Variants in CCSER2 observed in about 807,000 individuals in gnomAD.
CCSER2 encodes coiled-coil serine rich protein 2.
A neutral mutation model predicts 92.3 loss-of-function variants in CCSER2; 46 were observed. The observed-to-expected ratio is 0.50, with a 90% CI of 0.39 to 0.64. The LOEUF (loss-of-function observed/expected upper bound fraction) is 0.64. CCSER2 is among the 30% of genes least tolerant of loss of function. The pLI, the probability that CCSER2 is intolerant of heterozygous loss-of-function variation, is 0.00. For synonymous variants in CCSER2, 433 were observed against 431.4 expected (o/e 1.00, Z -0.04); for missense variants, 1,244 against 1,238.9 (o/e 1.00, Z -0.06).
At chr10:84,337,279 C>T (rs2132988922) in intron 1 of CCSER2, among the ~76,000 whole-genome samples, 1 of 152,246 alleles carries the variant, frequency 6.6e-6, no homozygotes, top group East Asian at 1.9e-4. Flanking sequence ...GGGAGAGAAA[C>T]TAGCAGAGGA....
At chr10:84,504,664 A>T (rs1352590548) in intron 9 of CCSER2, among the ~76,000 whole-genome samples, 3 of 152,340 alleles carry the variant, frequency 2.0e-5, no homozygotes, top group East Asian at 3.9e-4. Flanking sequence ...GTATATTTTT[A>T]AAAATTTAGC....
At chr10:84,351,640 G>T (rs1844864609) in intron 1 of CCSER2, among the ~76,000 whole-genome samples, 1 of 152,158 alleles carries the variant, frequency 6.6e-6, no homozygotes, top group African/African-American at 2.4e-5. Context: ...GAATAGCTTG[G>T]ACTGTAGGCA....
Position 84,387,588 on chromosome 10 carries a change from G to A in CCSER2, c.1614+13773G>A, listed in dbSNP as rs535209973. ...CTGTGGCCCAGGCTGGAGTGCAGTGGTGCAATCTCAGCTCACTGTAAGCTC... is the reference window on the plus strand; with the variant it reads ...CTGTGGCCCAGGCTGGAGTGCAGTGATGCAATCTCAGCTCACTGTAAGCTC... On this transcript the variant is annotated intron_variant, in intron 3 of 9. Coordinates refer to ENST00000372088, the MANE Select transcript of CCSER2 (RefSeq NM_001284240.2). Among the ~76,000 whole-genome samples the A allele has an allele frequency of 5.3e-5, 8 of 152,070 alleles. No individual in the cohort carries two copies. In the East Asian group the frequency reaches 1.4e-3, roughly 26 times the overall value.
At chr10:84,378,432 A>ATT (rs386371982) in intron 3 of CCSER2, among the ~76,000 whole-genome samples, 25,231 of 135,806 alleles carry the variant, frequency 0.19, 2,707 homozygotes, top group Admixed American at 0.29. Context: ...TTAAAATTAA[A>ATT]TTTTTTTTTT....
chr10:84,431,720 C>CAG (rs2133465754), intron 5 of CCSER2, among the ~76,000 whole-genome samples: 1 of 152,238 alleles, frequency 6.6e-6, no homozygotes, highest in Non-Finnish European at 1.5e-5. Flanking sequence ...GCCTGGACAA[C>CAG]AGAGAGAGAC....
intron 3 of CCSER2, among the ~76,000 whole-genome samples, chr10:84,392,941 T>C (rs1841608670): frequency 6.6e-6 from 1 of 152,166 alleles, no homozygotes; most frequent in African/African-American, 2.4e-5. Flanking sequence ...GCTTTCTGGC[T>C]CATAGTGGTT....
At chr10:84,333,200 T>C (rs779430592) in intron 1 of CCSER2, among the ~76,000 whole-genome samples, 2 of 152,196 alleles carry the variant, frequency 1.3e-5, no homozygotes, top group Non-Finnish European at 2.9e-5. Context: ...CTCTTATTGC[T>C]AATCATTCTA....
intron 6 of CCSER2, among the ~76,000 whole-genome samples, chr10:84,463,444 A>G (rs1462056585): frequency 1.3e-5 from 2 of 152,168 alleles, no homozygotes; most frequent in African/African-American, 4.8e-5. Context: ...CAGACTTCAT[A>G]TAAATGGAGT....
chr10:84,379,705 C>A (rs1419589147), intron 3 of CCSER2, among the ~76,000 whole-genome samples: 1 of 152,056 alleles, frequency 6.6e-6, no homozygotes, highest in Non-Finnish European at 1.5e-5. Flanking sequence ...GAACAATATA[C>A]AGTATGATTT....
At chr10:84,417,487 C>T (rs1041267779) in intron 3 of CCSER2, among the ~76,000 whole-genome samples, 1 of 151,926 alleles carries the variant, frequency 6.6e-6, no homozygotes, top group Non-Finnish European at 1.5e-5. Context: ...AGTATTTTAC[C>T]AGGGAAGATG....
intron 1 of CCSER2, among the ~76,000 whole-genome samples, chr10:84,347,854 G>A (rs572056077): frequency 6.9e-4 from 105 of 152,058 alleles, no homozygotes; most frequent in South Asian, 2.9e-3. Context: ...CATCCCAGAC[G>A]GGGCGGCGGG....
chr10:84,427,309 G>A (rs897324495), intron 5 of CCSER2, among the ~76,000 whole-genome samples: 1 of 152,066 alleles, frequency 6.6e-6, no homozygotes, highest in Non-Finnish European at 1.5e-5. Flanking sequence ...TGTTGGTGCT[G>A]GTTTTGAGAC....
At chr10:84,346,307 G>A (rs551510536) in intron 1 of CCSER2, among the ~76,000 whole-genome samples, 8 of 151,866 alleles carry the variant, frequency 5.3e-5, no homozygotes, top group Admixed American at 3.9e-4. Flanking sequence ...CAGGTGATCC[G>A]CCTACCTTGG....
chr10:84,345,434 A>G (rs934855393), intron 1 of CCSER2, among the ~76,000 whole-genome samples: 2 of 152,230 alleles, frequency 1.3e-5, no homozygotes, highest in African/African-American at 4.8e-5. Context: ...TTTGAATGTT[A>G]CCATCTAATC....
Position 84,481,811 on chromosome 10 carries a change from A to G in CCSER2, c.2325+4147A>G, listed in dbSNP as rs111678309. ...TATAAACTCCCCTGAGCCTTGCATT[A>G]TAAAAAGAGGGCAGCCATAGGACCG... On this transcript the variant is annotated intron_variant, in intron 9 of 9. Coordinates refer to ENST00000372088, the MANE Select transcript of CCSER2 (RefSeq NM_001284240.2). Among the ~76,000 whole-genome samples the G allele has an allele frequency of 2.5e-3, 380 of 152,222 alleles. 1 individual carries two copies. Among genetic ancestry groups the G allele is most frequent in the African/African-American group, 8.4e-3 (349 of 41,514 alleles).
At chr10:84,374,431 T>A (rs1846224237) in intron 3 of CCSER2, among the ~76,000 whole-genome samples, 1 of 152,220 alleles carries the variant, frequency 6.6e-6, no homozygotes, top group Non-Finnish European at 1.5e-5. Flanking sequence ...ATTTTGGGGC[T>A]TGACCATCTT....
At position 84,373,631 on chromosome 10, in the gene CCSER2, G is replaced by A; in HGVS notation, c.1430G>A (p.Cys477Tyr). The A allele has an allele frequency of 6.2e-7, 1 of 1,611,412 alleles. No individual in the cohort carries two copies. The highest frequency in any genetic ancestry group is 2.2e-5 in the East Asian group (1 of 44,794). The change falls in exon 3 of 10, where the codon TGT (cysteine) becomes TAT (tyrosine). Residue 477 changes from cysteine (C) to tyrosine (Y), a missense_variant. Transcript: ENST00000372088. ...TTTTCTCTTGAAGACAGGAGTGAAT[G>A]TACAAAACATACTTCTGGGAATAAT... ...IDISVSDRSE[C>Y]TKHTSGNNLV...
chr10:84,507,271 T>C, intron 9 of CCSER2: 1 of 980,596 alleles, frequency 1.0e-6, no homozygotes, highest in Non-Finnish European at 1.2e-6. Context: ...TTGTCTCTGC[T>C]CTCCCATTAT....
chr10:84,360,186 A>G (rs543383672), intron 1 of CCSER2, among the ~76,000 whole-genome samples: 2 of 152,152 alleles, frequency 1.3e-5, no homozygotes, highest in Non-Finnish European at 2.9e-5. Context: ...CAGCATAATT[A>G]ATCCCTGGTG....
Sources: allele counts gnomAD v4.1 joint callset (sites outside exome capture counted in the v4.1 genomes callset), GRCh38; gene constraint gnomAD v4.1.1; transcripts MANE v1.5; gene names NCBI Gene and HGNC (gene_info 2026-07-23, HGNC 2026-07-21).